Variants in NOL4L observed in about 807,000 individuals in gnomAD.
NOL4L encodes nucleolar protein 4-like.
NOL4L carries 7 observed loss-of-function variants against 64.5 expected under a neutral mutation model. The observed-to-expected ratio is 0.11, with a 90% CI of 0.06 to 0.20. The LOEUF (loss-of-function observed/expected upper bound fraction) is 0.20. Ranked by LOEUF, NOL4L falls within the 10% of genes least tolerant of loss-of-function variation. NOL4L has a pLI of 1.00. For synonymous variants in NOL4L, 413 were observed against 401.0 expected, an observed-to-expected ratio of 1.03 and a Z score of -0.36; for missense variants, 680 against 967.1, an observed-to-expected ratio of 0.70 and a Z score of 3.94.
At chr20:32,554,411 A>G (rs1022659120) in intron 1 of NOL4L, among the ~76,000 whole-genome samples, 2 of 151,976 alleles carry the variant, frequency 1.3e-5, no homozygotes, top group African/African-American at 4.8e-5. Flanking sequence ...CACAGGCTGC[A>G]CAGCCAAACA....
At chr20:32,488,764 TTCCTTCCTTCCTTCCTTCCTTC>T (rs2016220351) in intron 4 of NOL4L, among the ~76,000 whole-genome samples, 1 of 54,742 alleles carries the variant, frequency 1.8e-5, no homozygotes, top group Non-Finnish European at 2.9e-5. Context: ...CCTTCCTTCC[TTCCTTCCTTCCTTCCTTCCTTC>T]CTTCCTTTCT....
At chr20:32,536,247 G>C in intron 1 of NOL4L, 1 of 985,454 alleles carries the variant, frequency 1.0e-6, no homozygotes, top group Non-Finnish European at 1.2e-6. Context: ...CGAAGGGGGG[G>C]TCCTAGGCGG....
intron 1 of NOL4L, among the ~76,000 whole-genome samples, chr20:32,536,820 A>G (rs1216176523): frequency 0.016 from 120 of 7,552 alleles, 4 homozygotes; most frequent in South Asian, 0.078. Context: ...GGGCGCACCA[A>G]CGGGGCGGGG....
chr20:32,461,579 C>T (rs1278024992), intron 5 of NOL4L, among the ~76,000 whole-genome samples: 4 of 151,314 alleles, frequency 2.6e-5, no homozygotes, highest in African/African-American at 9.7e-5. Flanking sequence ...CCCACCACCA[C>T]GCCTGGCTAA....
At chr20:32,530,270 G>A (rs1473336632) in intron 1 of NOL4L, among the ~76,000 whole-genome samples, 2 of 152,204 alleles carry the variant, frequency 1.3e-5, no homozygotes, top group Admixed American at 6.5e-5. Flanking sequence ...GGCTGGGCGC[G>A]GTGGCTCACG....
intron 3 of NOL4L, among the ~76,000 whole-genome samples, chr20:32,514,081 G>A (rs1221298282): frequency 6.6e-6 from 1 of 152,172 alleles, no homozygotes; most frequent in Non-Finnish European, 1.5e-5. Flanking sequence ...TACTTCTGGT[G>A]ACTTTATAGA....
chr20:32,473,489 C>T (rs1219610121), intron 5 of NOL4L, among the ~76,000 whole-genome samples: 2 of 152,182 alleles, frequency 1.3e-5, no homozygotes, highest in Non-Finnish European at 2.9e-5. Context: ...CCGGCAGCCA[C>T]GCACCCCACT....
At chr20:32,552,632 A>T (rs1400824308) in intron 1 of NOL4L, among the ~76,000 whole-genome samples, 1 of 151,698 alleles carries the variant, frequency 6.6e-6, no homozygotes, top group Non-Finnish European at 1.5e-5. Context: ...GGTTGCAGTG[A>T]GCCAAGATCA....
At chr20:32,497,874 G>T (rs536988134) in intron 4 of NOL4L, among the ~76,000 whole-genome samples, 7 of 152,344 alleles carry the variant, frequency 4.6e-5, no homozygotes, top group African/African-American at 1.7e-4. Context: ...AGCAGCTCCT[G>T]ACCTGTGCAA....
chr20:32,445,564 C>G lies in NOL4L; in HGVS notation c.*2032G>C, dbSNP rs1394605479. 1 of 152,180 alleles carries G rather than the reference C, an allele frequency of 6.6e-6. No individual in the cohort carries two copies. Among genetic ancestry groups the G allele is most frequent in the Non-Finnish European group, 1.5e-5 (1 of 68,042 alleles). 9.4% of individuals were successfully genotyped at this position (152,180 alleles called of 1,614,324 possible). ...TCACACACAAAAATAAATATTTACA[C>G]GAATTCAAATGTTGAGTAGTACTGA... On this transcript the variant is annotated 3_prime_UTR_variant, in exon 11 of 11. Coordinates refer to ENST00000621426, the MANE Select transcript of NOL4L (RefSeq NM_001256798.2).
chr20:32,467,128 C>A (rs78518745), intron 5 of NOL4L, among the ~76,000 whole-genome samples: 1 of 152,196 alleles, frequency 6.6e-6, no homozygotes, highest in African/African-American at 2.4e-5. Flanking sequence ...CTCACTTGAA[C>A]GGCTTCACGC....
chr20:32,478,700 T>C (rs2015552074), intron 4 of NOL4L, among the ~76,000 whole-genome samples: 1 of 152,116 alleles, frequency 6.6e-6, no homozygotes, highest in Non-Finnish European at 1.5e-5. Flanking sequence ...CCCCCCAGGC[T>C]CCTGCCTCAG....
rs1016886655 is a variant in NOL4L, at chr20:32,463,175, C to G, written c.842-6780G>C. Among the ~76,000 whole-genome samples the G allele has an allele frequency of 6.6e-6, 1 of 152,192 alleles. No homozygotes were observed. Among genetic ancestry groups the G allele is most frequent in the Non-Finnish European group, 1.5e-5 (1 of 68,030 alleles). On this transcript the variant is annotated intron_variant, in intron 5 of 10. Coordinates refer to ENST00000621426, the MANE Select transcript of NOL4L (RefSeq NM_001256798.2). The surrounding 1 kb of genome is among the most constrained non-coding windows in gnomAD (Gnocchi z 5.8). ...CCGAAGCCCCAGCACACAGGCCTCA[C>G]GGGGTGCAGGCCTCCAGCTGGGAGG...
At chr20:32,509,739 T>A in intron 4 of NOL4L, 1 of 1,269,878 alleles carries the variant, frequency 7.9e-7, no homozygotes. Flanking sequence ...TCTGATTTGT[T>A]AGTGAGAGAT....
At chr20:32,484,932 AG>A (rs2015991740) in intron 4 of NOL4L, among the ~76,000 whole-genome samples, 1 of 151,788 alleles carries the variant, frequency 6.6e-6, no homozygotes, top group Non-Finnish European at 1.5e-5. Flanking sequence ...AAAATGGGTC[AG>A]GGGATCCATT....
chr20:32,459,414 A>C (rs1600656750), intron 5 of NOL4L, among the ~76,000 whole-genome samples: 4 of 119,400 alleles, frequency 3.4e-5, no homozygotes, highest in East Asian at 2.4e-4. Context: ...ATGGAGTTTC[A>C]CTCTTCCTGC....
intron 4 of NOL4L, among the ~76,000 whole-genome samples, chr20:32,478,206 G>C (rs905812333): frequency 2.0e-5 from 3 of 151,598 alleles, no homozygotes; most frequent in Non-Finnish European, 4.4e-5. Flanking sequence ...CTCAAGATGA[G>C]GCCCAGAGGG....
Position 32,447,799 on chromosome 20 carries a change from T to G in NOL4L, c.1840A>C (p.Met614Leu), listed in dbSNP as rs377542764. ...GAGGTGGTAGAGGCCCCGCCTTTCA[T>G]GCTGAGGTCCGTGGGCCCTGTGGAG... The part of the protein sequence containing the change: ...NHSNGPTDLS[M>L]KGGASTTSTT... The change falls in exon 11 of 11, where the codon ATG becomes CTG. Residue 614 changes from methionine to leucine, a missense_variant. Met to Leu is a conservative substitution (Grantham distance 15, BLOSUM62 2). This residue lies in a region of NOL4L where 175 missense variants were observed against 227.0 expected (regional missense o/e 0.77). Coordinates refer to ENST00000621426, the MANE Select transcript of NOL4L (RefSeq NM_001256798.2). 2 of 1,564,578 alleles carry G rather than the reference T, an allele frequency of 1.3e-6. No individual in the cohort carries two copies. Among genetic ancestry groups the G allele is most frequent in the Non-Finnish European group, 1.7e-6 (2 of 1,151,756 alleles).
intron 1 of NOL4L, among the ~76,000 whole-genome samples, chr20:32,570,671 C>T (rs1413399244): frequency 1.3e-5 from 2 of 152,200 alleles, no homozygotes; most frequent in South Asian, 2.1e-4. Flanking sequence ...TCTGGGGCCA[C>T]TGGGTTGACC....
Sources: gnomAD v4.1 joint callset for allele counts (sites outside exome capture counted in the v4.1 genomes callset) on GRCh38, gnomAD v4.1.1 for gene constraint, gnomAD v4.1.1 regional missense constraint, Gnocchi (gnomAD v3.1) non-coding constraint, MANE v1.5 for transcripts, NCBI Gene and HGNC (gene_info 2026-07-23, HGNC 2026-07-21) for gene names.